The following MBNL2 variants were observed in gnomAD, a reference collection of about 807,000 sequenced individuals.
MBNL2 encodes muscleblind-like protein 2.
MBNL2 carries 17 observed loss-of-function variants against 41.9 expected under a neutral mutation model. The ratio of observed to expected loss-of-function variants is 0.41; its 90% CI spans 0.28 to 0.61. The LOEUF (loss-of-function observed/expected upper bound fraction) is 0.61, where lower values mean the gene tolerates loss of function less well. MBNL2 is among the 20% of genes least tolerant of loss of function. MBNL2 has a pLI of 0.35. For missense variants in MBNL2, 336 were observed against 505.6 expected (o/e 0.66, Z 3.22); for synonymous variants, 195 against 182.9 (o/e 1.07, Z -0.53).
rs764403252 is a variant in MBNL2 at position 97,343,180 on chromosome 13, T to C, written c.504T>C (p.Thr168=). The C allele has an allele frequency of 2.4e-5, 38 of 1,612,864 alleles. No individual in the cohort carries two copies. Among genetic ancestry groups the C allele is most frequent in the Non-Finnish European group, 3.0e-5 (35 of 1,179,582 alleles). Residue 168 remains threonine (T), a synonymous_variant, in exon 4 of 9, where the codon ACT becomes ACC. Transcript: ENST00000679496. ...CACCGGTCACTGTCCCGGGCTCAAC[T>C]GCAACTCAGAAACTTCTCAGGACTG... ...GSPPVTVPGS[T]ATQKLLRTDK...
intron 1 of MBNL2, among the ~76,000 whole-genome samples, chr13:97,249,980 T>C (rs544391506): frequency 5.9e-5 from 9 of 152,234 alleles, no homozygotes; most frequent in Admixed American, 1.3e-4. Flanking sequence ...GGTTCCAGCT[T>C]GGCAAAGCTT....
At chr13:97,235,759 G>A (rs1336038345) in intron 1 of MBNL2, among the ~76,000 whole-genome samples, 1 of 152,158 alleles carries the variant, frequency 6.6e-6, no homozygotes. Context: ...GGGGCCCAGA[G>A]CTGCAGACGC....
At chr13:97,236,316 C>T (rs188808806) in intron 1 of MBNL2, among the ~76,000 whole-genome samples, 5 of 152,150 alleles carry the variant, frequency 3.3e-5, no homozygotes, top group Admixed American at 2.0e-4. Context: ...CTGGCCAGAA[C>T]GAAGGGGTTA....
intron 2 of MBNL2, among the ~76,000 whole-genome samples, chr13:97,285,533 A>G (rs1566391211): frequency 6.6e-6 from 1 of 152,234 alleles, no homozygotes; most frequent in Non-Finnish European, 1.5e-5. Context: ...ACAGAAATTC[A>G]AATTTTGATG....
intron 3 of MBNL2, among the ~76,000 whole-genome samples, chr13:97,342,771 C>G (rs1594238202): frequency 6.6e-6 from 1 of 152,266 alleles, no homozygotes; most frequent in East Asian, 1.9e-4. Context: ...AGAACACTTT[C>G]ATAGGGACAA....
the MBNL2 span, among the ~76,000 whole-genome samples, chr13:97,203,705 C>T: frequency 2.6e-5 from 4 of 152,130 alleles, no homozygotes; most frequent in African/African-American, 9.7e-5. Context: ...CTCTACCTAA[C>T]CTTCATCATT....
chr13:97,257,271 C>A (rs1006179796), intron 1 of MBNL2, among the ~76,000 whole-genome samples: 12 of 151,526 alleles, frequency 7.9e-5, no homozygotes, highest in Non-Finnish European at 2.9e-5. Flanking sequence ...AGGAGAAGAG[C>A]AATTGAAGCC....
At chr13:97,212,755 T>G in the MBNL2 span, among the ~76,000 whole-genome samples, 2 of 152,224 alleles carry the variant, frequency 1.3e-5, no homozygotes, top group South Asian at 4.1e-4. Context: ...ATTTAATAAA[T>G]AGATGTCTCT....
At chr13:97,359,513 A>G (rs976563088) in intron 7 of MBNL2, among the ~76,000 whole-genome samples, 8 of 152,214 alleles carry the variant, frequency 5.3e-5, no homozygotes, top group Non-Finnish European at 1.0e-4. Context: ...CCTTTTAAAC[A>G]TTTTAAAGCA....
chr13:97,238,370 T>C (rs992212914), intron 1 of MBNL2, among the ~76,000 whole-genome samples: 5 of 152,216 alleles, frequency 3.3e-5, no homozygotes, highest in African/African-American at 1.2e-4. Context: ...GTGAAGAGCA[T>C]TTCATCCAAG....
At chr13:97,345,137 C>T (rs1189737350) in intron 4 of MBNL2, among the ~76,000 whole-genome samples, 2 of 152,200 alleles carry the variant, frequency 1.3e-5, no homozygotes, top group Non-Finnish European at 1.5e-5. Context: ...TTCAAGCTGG[C>T]CTGGTCACTG....
chr13:97,323,139 C>T (rs1334051350), intron 2 of MBNL2, among the ~76,000 whole-genome samples: 1 of 152,192 alleles, frequency 6.6e-6, no homozygotes, highest in Non-Finnish European at 1.5e-5. Flanking sequence ...CACAAAATGT[C>T]GGCCTTTAAT....
At chr13:97,237,444 CT>C (rs1287946401) in intron 1 of MBNL2, among the ~76,000 whole-genome samples, 3 of 152,190 alleles carry the variant, frequency 2.0e-5, no homozygotes, top group Non-Finnish European at 4.4e-5. Flanking sequence ...TTCCCATTTC[CT>C]TTCCCCTCAT....
In MBNL2 at chr13:97,393,768, T is replaced by C. The variant is rs778589696; in HGVS notation, c.*2319T>C. 1 of 152,522 alleles carries C rather than the reference T, an allele frequency of 6.6e-6. No individual in the cohort carries two copies. The highest frequency in any genetic ancestry group is 1.5e-5 in the Non-Finnish European group (1 of 67,968). The allele number at this position is 152,522 out of a possible 1,614,324, so 9.4% of individuals were successfully genotyped here. A position where few individuals can be genotyped will look rare whatever the true frequency, so the allele number is the denominator to read the frequency against. On this transcript the variant is annotated 3_prime_UTR_variant, in exon 9 of 9. Transcript: ENST00000679496. Reference sequence around the variant, plus strand: ...TTTATATTCAGAAGTCTGACTATGATGAATAAATCTTAAATGCTTTGTTTA... The same window carrying C: ...TTTATATTCAGAAGTCTGACTATGACGAATAAATCTTAAATGCTTTGTTTA...
chr13:97,189,131 C>T, the MBNL2 span, among the ~76,000 whole-genome samples: 2 of 152,120 alleles, frequency 1.3e-5, no homozygotes, highest in South Asian at 2.1e-4. Context: ...TGGCCTCAAG[C>T]GACCCCCTAA....
chr13:97,344,804 A>C (rs1018900590), intron 4 of MBNL2, among the ~76,000 whole-genome samples: 4 of 152,252 alleles, frequency 2.6e-5, no homozygotes, highest in Non-Finnish European at 5.9e-5. Context: ...AATTGGGAAC[A>C]AATTGTCCTT....
At chr13:97,308,693 C>T (rs9584542) in intron 2 of MBNL2, among the ~76,000 whole-genome samples, 119 of 152,258 alleles carry the variant, frequency 7.8e-4, no homozygotes, top group African/African-American at 2.6e-3. Context: ...TTATGATGAT[C>T]GATCTGTATA....
At chr13:97,160,270 C>CCG in the MBNL2 span, among the ~76,000 whole-genome samples, 1 of 152,146 alleles carries the variant, frequency 6.6e-6, no homozygotes, top group East Asian at 1.9e-4. Context: ...TTCCAAACTG[C>CCG]ATTTTGCTCA....
intron 3 of MBNL2, among the ~76,000 whole-genome samples, chr13:97,341,573 T>A (rs1217862924): frequency 6.6e-6 from 1 of 152,154 alleles, no homozygotes; most frequent in Non-Finnish European, 1.5e-5. Flanking sequence ...ATATTGCAAC[T>A]TTCTCCCAAA....
Sources: allele counts gnomAD v4.1 joint callset (sites outside exome capture counted in the v4.1 genomes callset), GRCh38; gene constraint gnomAD v4.1.1; transcripts MANE v1.5; gene names NCBI Gene and HGNC (gene_info 2026-07-23, HGNC 2026-07-21).